The following FERMT1 variants were observed in gnomAD, a reference collection of about 807,000 sequenced individuals.
FERMT1 encodes FERM domain containing kindlin 1.
A neutral mutation model predicts 85.3 loss-of-function variants in FERMT1; 60 were observed. The observed-to-expected ratio is 0.70, with a 90% CI of 0.57 to 0.87. The LOEUF (loss-of-function observed/expected upper bound fraction) is 0.87. Ranked by LOEUF, FERMT1 falls within the 40% of genes least tolerant of loss-of-function variation. The probability of loss-of-function intolerance (pLI) is 0.00; values close to 1 mark genes in which losing one functional copy is unlikely to be tolerated. For synonymous variants in FERMT1, 275 were observed against 301.1 expected (o/e 0.91, Z 0.90); for missense variants, 701 against 818.9 (o/e 0.86, Z 1.76).
chr20:6,118,037 A>AT (rs55752083), intron 2 of FERMT1, among the ~76,000 whole-genome samples: 6 of 151,948 alleles, frequency 3.9e-5, no homozygotes, highest in African/African-American at 1.2e-4. Flanking sequence ...ATGAATCAGC[A>AT]TTTTTTTTCT....
chr20:6,118,245 C>G (rs1983161898), intron 2 of FERMT1, among the ~76,000 whole-genome samples: 3 of 152,180 alleles, frequency 2.0e-5, no homozygotes, highest in African/African-American at 7.2e-5. Context: ...ATGGATAAAT[C>G]TCACAGATAT....
intron 6 of FERMT1, among the ~76,000 whole-genome samples, chr20:6,099,973 G>T (rs1982616865): frequency 1.3e-5 from 2 of 149,730 alleles, no homozygotes; most frequent in Admixed American, 1.3e-4. Flanking sequence ...GTGACAGAGA[G>T]AGACTATCTC....
At chr20:6,085,404 A>T (rs1982148162) in intron 11 of FERMT1, 117 bp from the exon 12 acceptor site, 1 of 862,638 alleles carries the variant, frequency 1.2e-6, no homozygotes, top group Non-Finnish European at 1.9e-6. Flanking sequence ...TCCAAGCAAG[A>T]TGTGAAGTGG....
Position 6,110,662 on chromosome 20 carries a change from G to T in FERMT1, c.533-151C>A, listed in dbSNP as rs4564859. Reference sequence around the variant, plus strand: ...TAAGTCAAGCTGGGCACTGTGGCCCGCGTCTATAATCCTAGCTACTTGGGA... The same window carrying T: ...TAAGTCAAGCTGGGCACTGTGGCCCTCGTCTATAATCCTAGCTACTTGGGA... On this transcript the variant is annotated intron_variant, in intron 4 of 14. Transcript: ENST00000217289. 4 of 697,480 alleles carry T rather than the reference G, an allele frequency of 5.7e-6. No homozygotes were observed. The East Asian group carries it at 8.1e-5, about 14-fold the overall frequency. 43.2% of individuals were successfully genotyped at this position (697,480 alleles called of 1,614,324 possible).
Position 6,084,965 on chromosome 20 carries a change from T to C in FERMT1, c.1593+101A>G. ...ACCTTGGCCTCCCAAAGTGCTGGAATTACAGGTGTGAGCCACCATGCCCAG... is the reference window on the plus strand; with the variant it reads ...ACCTTGGCCTCCCAAAGTGCTGGAACTACAGGTGTGAGCCACCATGCCCAG... On this transcript the variant is annotated intron_variant, in intron 12 of 14. Transcript: ENST00000217289. 2.6e-6 allele frequency: 3 copies of C among 1,158,930 alleles called. No individual in the cohort carries two copies. In the South Asian group the frequency reaches 3.8e-5, roughly 15 times the overall value. The allele number at this position is 1,158,930 out of a possible 1,614,324, so 71.8% of individuals were successfully genotyped here.
chr20:6,094,724 A>G (rs1487814362), intron 9 of FERMT1, among the ~76,000 whole-genome samples: 1 of 152,170 alleles, frequency 6.6e-6, no homozygotes, highest in African/African-American at 2.4e-5. Flanking sequence ...TAGATTGGAA[A>G]ATGGAGGCTC....
At chr20:6,088,133 T>C (rs932040946) in intron 10 of FERMT1, among the ~76,000 whole-genome samples, 4 of 152,200 alleles carry the variant, frequency 2.6e-5, no homozygotes, top group Non-Finnish European at 5.9e-5. Context: ...CATTTTCAGG[T>C]TAATGCTGGC....
intron 3 of FERMT1, 80 bp from the exon 4 acceptor site, chr20:6,112,703 TA>T: frequency 2.0e-6 from 2 of 1,022,666 alleles, no homozygotes; most frequent in Non-Finnish European, 2.8e-6. Flanking sequence ...TTTGTGCATT[TA>T]AAATCATTTC....
chr20:6,102,463 G>C lies in FERMT1; in HGVS notation c.850-4832C>G, dbSNP rs574641549. 5.3e-5 allele frequency among the ~76,000 whole-genome samples: 8 copies of C among 151,596 alleles called. No individual in the cohort carries two copies. The South Asian group carries it at 1.7e-3, about 32-fold the overall frequency. On this transcript the variant is annotated intron_variant, in intron 6 of 14. Coordinates refer to ENST00000217289, the MANE Select transcript of FERMT1 (RefSeq NM_017671.5). Reference sequence around the variant, plus strand: ...AGGCTGAGGCAGGAGGATCTCTTGAGGTCAGGAGTTTGGGACCAGCCTGGC... The same window carrying C: ...AGGCTGAGGCAGGAGGATCTCTTGACGTCAGGAGTTTGGGACCAGCCTGGC...
Position 6,076,875 on chromosome 20 carries a change from C to A in FERMT1, c.*298G>T, listed in dbSNP as rs115761930. The A allele has an allele frequency of 1.1e-3, 540 of 471,772 alleles. 1 individual carries two copies. Among genetic ancestry groups the A allele is most frequent in the African/African-American group, 9.7e-3 (496 of 51,224 alleles). 29.2% of individuals were successfully genotyped at this position (471,772 alleles called of 1,614,324 possible). A position where few individuals can be genotyped will look rare whatever the true frequency, so the allele number is the denominator to read the frequency against. Reference sequence around the variant, plus strand: ...GTAGCCATACACCTGGCAGGTTCTGCAAGTCAGAGAACTGTAACCACATGC... The same window carrying A: ...GTAGCCATACACCTGGCAGGTTCTGAAAGTCAGAGAACTGTAACCACATGC... On this transcript the variant is annotated 3_prime_UTR_variant, in exon 15 of 15. Transcript: ENST00000217289.
intron 12 of FERMT1, among the ~76,000 whole-genome samples, chr20:6,084,597 CAAT>C (rs891111653): frequency 2.6e-5 from 4 of 152,016 alleles, no homozygotes; most frequent in Non-Finnish European, 5.9e-5. Context: ...ACAAAATTAA[CAAT>C]AATTTCATAA....
intron 2 of FERMT1, among the ~76,000 whole-genome samples, chr20:6,118,798 T>C (rs1377488238): frequency 6.7e-6 from 1 of 150,110 alleles, no homozygotes; most frequent in Non-Finnish European, 1.5e-5. Context: ...ATCACTAAGC[T>C]CTCAAGTATT....
At chr20:6,080,648 G>A (rs1981968673) in intron 13 of FERMT1, among the ~76,000 whole-genome samples, 1 of 152,216 alleles carries the variant, frequency 6.6e-6, no homozygotes, top group African/African-American at 2.4e-5. Flanking sequence ...TGAAGGTAGA[G>A]TCACTAGGAG....
In FERMT1 at chr20:6,080,896, C is replaced by T. The variant is rs369206343; in HGVS notation, c.1719-1319G>A. ...CCAGTTCAAGAGACAGTTCTGGGCT[C>T]AAGATATATATTTCAGAGTAATTGG... On this transcript the variant is annotated intron_variant, in intron 13 of 14. Transcript: ENST00000217289. 1.2e-4 allele frequency among the ~76,000 whole-genome samples: 18 copies of T among 152,066 alleles called. No homozygotes were observed. The South Asian group carries it at 3.7e-3, about 32-fold the overall frequency.
intron 5 of FERMT1, among the ~76,000 whole-genome samples, chr20:6,108,586 A>G (rs1181677533): frequency 6.6e-6 from 1 of 151,984 alleles, no homozygotes; most frequent in East Asian, 1.9e-4. Context: ...AAGGCGGGTG[A>G]ATCACCTGAG....
intron 13 of FERMT1, 75 bp downstream of exon 13, chr20:6,083,965 G>A: frequency 5.8e-6 from 9 of 1,552,250 alleles, no homozygotes; most frequent in Non-Finnish European, 8.0e-6. Context: ...TATGCTAAAT[G>A]AGAAAACTGG....
intron 8 of FERMT1, among the ~76,000 whole-genome samples, chr20:6,095,757 A>C (rs1446776268): frequency 6.6e-6 from 1 of 152,244 alleles, no homozygotes; most frequent in African/African-American, 2.4e-5. Flanking sequence ...AGGGCCCTGC[A>C]TCTCTACAGA....
Position 6,119,420 on chromosome 20 carries a change from C to A in FERMT1, c.135G>T (p.Lys45Asn). 6.2e-7 allele frequency: 1 copy of A among 1,614,162 alleles called. No individual in the cohort carries two copies. The highest frequency in any genetic ancestry group is 8.5e-7 in the Non-Finnish European group (1 of 1,179,994). Residue 45 changes from lysine (K) to asparagine (N), a missense_variant, in exon 2 of 15, where the codon AAG (lysine) becomes AAT (asparagine). By Grantham distance (94) the Lys-to-Asn change is moderately conservative. Transcript: ENST00000217289. Reference protein sequence around the residue: ...GDLHVGGVMLKLVEQINISQD... With the variant: ...GDLHVGGVMLNLVEQINISQD... ...GTAACTTACTGATCTGTTCTACTAACTTGAGCATCACTCCTCCAACATGAA... is the reference window on the plus strand; with the variant it reads ...GTAACTTACTGATCTGTTCTACTAAATTGAGCATCACTCCTCCAACATGAA...
In FERMT1 at chr20:6,097,566, A is replaced by G. The variant is rs1362210721; in HGVS notation, c.915T>C (p.Ile305=). The change falls in exon 7 of 15, where the codon ATT becomes ATC. Residue 305 remains isoleucine (I), a synonymous_variant. Coordinates refer to ENST00000217289, the MANE Select transcript of FERMT1 (RefSeq NM_017671.5). ...QARWAILLEE[I]DCTEEEMLIF... is the part of the protein sequence containing the mutation. ...TCAACATTTCTTCCTCTGTGCAATC[A>G]ATTTCTTCTAAGAGAATGGCCCACC... is the stretch of plus-strand genomic sequence containing the variant. 5 of 1,613,948 alleles carry G rather than the reference A, an allele frequency of 3.1e-6. No individual in the cohort carries two copies. The highest frequency in any genetic ancestry group is 4.2e-6 in the Non-Finnish European group (5 of 1,179,972).
Sources: gnomAD v4.1 joint callset for allele counts (sites outside exome capture counted in the v4.1 genomes callset) on GRCh38, gnomAD v4.1.1 for gene constraint, MANE v1.5 for transcripts, NCBI Gene and HGNC (gene_info 2026-07-23, HGNC 2026-07-21) for gene names.